The following ARHGAP24 variants were observed in gnomAD, a reference collection of about 807,000 sequenced individuals.
ARHGAP24 encodes rho GTPase-activating protein 24.
Under a neutral mutation model 76.4 loss-of-function variants are expected in ARHGAP24, and 50 were observed. The ratio of observed to expected loss-of-function variants is 0.65; its 90% CI spans 0.52 to 0.83. The LOEUF is 0.83. ARHGAP24 is among the 40% of genes least tolerant of loss of function. The pLI is 0.00. For synonymous variants in ARHGAP24, 345 were observed against 323.3 expected (o/e 1.07, Z -0.72); for missense variants, 930 against 914.2 (o/e 1.02, Z -0.22).
chr4:85,872,256 C>T (rs1052797613), intron 3 of ARHGAP24, among the ~76,000 whole-genome samples: 14 of 151,540 alleles, frequency 9.2e-5, no homozygotes, highest in Non-Finnish European at 1.2e-4. Context: ...AATCAATCAA[C>T]GCGTTGATAT....
At chr4:85,480,673 T>C (rs563195829) in intron 1 of ARHGAP24, among the ~76,000 whole-genome samples, 1 of 152,284 alleles carries the variant, frequency 6.6e-6, no homozygotes, top group African/African-American at 2.4e-5. Context: ...TGAAACATTC[T>C]CTGTAGTGCT....
In ARHGAP24 at chr4:86,001,316, AC is replaced by A; in HGVS notation, c.*596del. 1 of 398,918 alleles carries A rather than the reference AC, an allele frequency of 2.5e-6. No individual in the cohort carries two copies. The highest frequency in any genetic ancestry group is 4.4e-6 in the Non-Finnish European group (1 of 226,068). 24.7% of individuals were successfully genotyped at this position (398,918 alleles called of 1,614,324 possible). On this transcript the variant is annotated 3_prime_UTR_variant, in exon 10 of 10. Transcript: ENST00000395184. Reference sequence around the variant, plus strand: ...ATAAAATACAGTCGAATCACCAGGAACCTTTGAGCTGCTTTTAAAATTCTTC... The same window carrying A: ...ATAAAATACAGTCGAATCACCAGGAACTTTGAGCTGCTTTTAAAATTCTTC...
chr4:85,959,724 G>A (rs905171247), intron 5 of ARHGAP24, among the ~76,000 whole-genome samples: 2 of 152,230 alleles, frequency 1.3e-5, no homozygotes, highest in East Asian at 3.9e-4. Context: ...CCTAGAAGTG[G>A]AATTGCTGGG....
intron 3 of ARHGAP24, among the ~76,000 whole-genome samples, chr4:85,844,225 A>G (rs1033472969): frequency 6.6e-6 from 1 of 152,238 alleles, no homozygotes; most frequent in Non-Finnish European, 1.5e-5. Context: ...AGAAAACACA[A>G]TGAGCTAACA....
At chr4:85,590,621 A>C (rs1728055114) in intron 2 of ARHGAP24, among the ~76,000 whole-genome samples, 1 of 151,952 alleles carries the variant, frequency 6.6e-6, no homozygotes, top group Non-Finnish European at 1.5e-5. Context: ...TGGCCTCCCA[A>C]AGTGCTGGGA....
chr4:85,927,555 G>T (rs1416364591), intron 4 of ARHGAP24, among the ~76,000 whole-genome samples: 1 of 152,162 alleles, frequency 6.6e-6, no homozygotes, highest in African/African-American at 2.4e-5. Flanking sequence ...CTTCATAAGA[G>T]AATGCACTTT....
Position 85,832,231 on chromosome 4 carries a change from G to T in ARHGAP24, c.269-91417G>T, listed in dbSNP as rs147037001. On this transcript the variant is annotated intron_variant, in intron 3 of 9. Coordinates refer to ENST00000395184, the MANE Select transcript of ARHGAP24 (RefSeq NM_001025616.3). Reference sequence around the variant, plus strand: ...ATTAGCTAGTTTGTATAATTCCGGTGGTCTCAGTGGTGTAGGGGTTGTCTC... The same window carrying T: ...ATTAGCTAGTTTGTATAATTCCGGTTGTCTCAGTGGTGTAGGGGTTGTCTC... Among the ~76,000 whole-genome samples, 365 of 152,270 alleles carry T rather than the reference G, an allele frequency of 2.4e-3. 1 individual carries two copies. Among genetic ancestry groups the T allele is most frequent in the Non-Finnish European group, 4.0e-3 (272 of 68,016 alleles).
chr4:85,903,620 A>T (rs549991625), intron 3 of ARHGAP24, among the ~76,000 whole-genome samples: 11 of 152,232 alleles, frequency 7.2e-5, no homozygotes, highest in South Asian at 2.1e-4. Flanking sequence ...TATATATATA[A>T]AAAGGATATT....
chr4:85,519,151 A>G (rs778453987), intron 1 of ARHGAP24, among the ~76,000 whole-genome samples: 1 of 152,160 alleles, frequency 6.6e-6, no homozygotes, highest in Non-Finnish European at 1.5e-5. Context: ...CAATCAAAAA[A>G]CAGTTGATGT....
At chr4:85,944,666 C>G (rs1250748601) in intron 5 of ARHGAP24, among the ~76,000 whole-genome samples, 1 of 152,018 alleles carries the variant, frequency 6.6e-6, no homozygotes, top group Non-Finnish European at 1.5e-5. Context: ...TAAAAAATGT[C>G]TAAACCCAAA....
intron 2 of ARHGAP24, among the ~76,000 whole-genome samples, chr4:85,678,880 T>TC (rs1249763094): frequency 1.3e-5 from 2 of 152,160 alleles, no homozygotes; most frequent in African/African-American, 2.4e-5. Context: ...CAGAGAGGTG[T>TC]CCGATGCATG....
chr4:85,694,558 C>T (rs1723800081), intron 2 of ARHGAP24, among the ~76,000 whole-genome samples: 1 of 151,984 alleles, frequency 6.6e-6, no homozygotes, highest in Non-Finnish European at 1.5e-5. Context: ...TTTTTATAAT[C>T]TCTAAATGAC....
intron 3 of ARHGAP24, chr4:85,827,829 G>A: frequency 9.7e-7 from 1 of 1,029,242 alleles, no homozygotes; most frequent in East Asian, 6.1e-5. Context: ...GGAGTCATGG[G>A]AGAAACTGCA....
chr4:85,714,223 C>T (rs1251966317), intron 2 of ARHGAP24, among the ~76,000 whole-genome samples: 2 of 152,134 alleles, frequency 1.3e-5, no homozygotes, highest in Non-Finnish European at 1.5e-5. Context: ...TGGAAATTAA[C>T]ATGGGGTAAA....
At chr4:85,914,714 G>A (rs771620603) in intron 3 of ARHGAP24, among the ~76,000 whole-genome samples, 5 of 152,082 alleles carry the variant, frequency 3.3e-5, no homozygotes, top group South Asian at 2.1e-4. Flanking sequence ...CAACCATACC[G>A]TTAGAGGACA....
intron 8 of ARHGAP24, among the ~76,000 whole-genome samples, chr4:85,983,116 C>T (rs1739775141): frequency 6.6e-6 from 1 of 152,142 alleles, no homozygotes; most frequent in South Asian, 2.1e-4. Context: ...CTTTTTATGG[C>T]ATGGCTGCAA....
intron 3 of ARHGAP24, among the ~76,000 whole-genome samples, chr4:85,786,274 T>C (rs1727838595): frequency 1.3e-5 from 2 of 152,242 alleles, no homozygotes; most frequent in Non-Finnish European, 2.9e-5. Flanking sequence ...ATTAATTCCA[T>C]TGCAAAGTCT....
intron 2 of ARHGAP24, among the ~76,000 whole-genome samples, chr4:85,690,361 T>G (rs1560587370): frequency 6.6e-6 from 1 of 152,208 alleles, no homozygotes; most frequent in African/African-American, 2.4e-5. Flanking sequence ...CCTTGATATT[T>G]TTGAATAGTT....
intron 2 of ARHGAP24, among the ~76,000 whole-genome samples, chr4:85,705,856 A>G (rs1346743846): frequency 6.6e-6 from 1 of 152,184 alleles, no homozygotes; most frequent in Admixed American, 6.6e-5. Context: ...AGTGACAAAT[A>G]AGCATAGATT....
Sources: gnomAD v4.1 joint callset for allele counts (sites outside exome capture counted in the v4.1 genomes callset) on GRCh38, gnomAD v4.1.1 for gene constraint, MANE v1.5 for transcripts, NCBI Gene and HGNC (gene_info 2026-07-23, HGNC 2026-07-21) for gene names.